The following CDH22 variants were observed in gnomAD, a reference collection of about 807,000 sequenced individuals.
CDH22 encodes the protein cadherin 22, also known as cadherin-22.
A neutral mutation model predicts 58.4 loss-of-function variants in CDH22; 30 were observed. The ratio of observed to expected loss-of-function variants is 0.51; its 90% CI spans 0.38 to 0.70. CDH22 has a LOEUF of 0.70. Among genes scored for constraint, CDH22 ranks in the 30% least tolerant of loss-of-function variants. The pLI is 0.00. For synonymous variants in CDH22, 513 were observed against 558.2 expected, an observed-to-expected ratio of 0.92 and a Z score of 1.14; for missense variants, 1,014 against 1,233.9, an observed-to-expected ratio of 0.82 and a Z score of 2.67.
At chr20:46,242,048 T>C (rs945685971) in intron 2 of CDH22, among the ~76,000 whole-genome samples, 1 of 152,158 alleles carries the variant, frequency 6.6e-6, no homozygotes, top group Admixed American at 6.5e-5. Context: ...GCTCAAGACA[T>C]AGCACATGAC....
chr20:46,210,262 G>A lies in CDH22; in HGVS notation c.1286+45C>T, dbSNP rs1364510014. ...CCGCAGTCTGTCCGCGGGGGTGATG[G>A]CGGGATAGCAGGCAGCAGGCGTCGG... On this transcript the variant is annotated intron_variant, in intron 7 of 11. Transcript: ENST00000537909. This position sits in a 1 kb window ranked among gnomAD's most constrained non-coding sequence, Gnocchi z 4.5. 15 of 1,366,412 alleles carry A rather than the reference G, an allele frequency of 1.1e-5. No homozygotes were observed. The highest frequency in any genetic ancestry group is 1.4e-5 in the Non-Finnish European group (15 of 1,064,906). 84.6% of individuals were successfully genotyped at this position (1,366,412 alleles called of 1,614,324 possible).
chr20:46,300,490 G>A lies in CDH22; in HGVS notation c.-400+7765C>T, dbSNP rs894791771. Reference sequence around the variant, plus strand: ...CTCTGCCCATCACACACACAAGCGCGCGTGTGCGTGCGCGTGCACACACAC... The same window carrying A: ...CTCTGCCCATCACACACACAAGCGCACGTGTGCGTGCGCGTGCACACACAC... On this transcript the variant is annotated intron_variant, in intron 1 of 11. Coordinates refer to ENST00000537909, the MANE Select transcript of CDH22 (RefSeq NM_021248.3). The surrounding 1 kb of genome is among the most constrained non-coding windows in gnomAD (Gnocchi z 4.4). 3.9e-5 allele frequency among the ~76,000 whole-genome samples: 6 copies of A among 152,020 alleles called. No homozygotes were observed. Among genetic ancestry groups the A allele is most frequent in the Non-Finnish European group, 8.8e-5 (6 of 68,018 alleles).
chr20:46,229,668 G>GGTT (rs756928427), intron 3 of CDH22, among the ~76,000 whole-genome samples: 1 of 152,220 alleles, frequency 6.6e-6, no homozygotes, highest in Non-Finnish European at 1.5e-5. Flanking sequence ...AATAAGTGCA[G>GGTT]GTTGTTGTTG....
At position 46,186,642 on chromosome 20, in the gene CDH22, G is replaced by A. The variant is rs746195921; in HGVS notation, c.1609C>T (p.Arg537Cys). The A allele has an allele frequency of 8.1e-6, 13 of 1,613,490 alleles. No individual in the cohort carries two copies. Among genetic ancestry groups the A allele is most frequent in the East Asian group, 4.5e-5 (2 of 44,866 alleles). ...EPQGGHRFYF[R>C]LVPEAPSNPH... ...TTGCTGGGAGCTTCAGGCACCAGGC[G>A]GAAATAGAAGCGGTGCCCGCCTTGG... Residue 537 changes from arginine (R) to cysteine (C), a missense_variant, in exon 10 of 12, where the codon CGC (arginine) becomes TGC (cysteine). By Grantham distance (180) the Arg-to-Cys change is radical. This residue lies in a region of CDH22 where 806 missense variants were observed against 1,038.7 expected (regional missense o/e 0.78). Coordinates refer to ENST00000537909, the MANE Select transcript of CDH22 (RefSeq NM_021248.3).
At chr20:46,307,247 C>G (rs893108834) in intron 1 of CDH22, among the ~76,000 whole-genome samples, 2 of 152,230 alleles carry the variant, frequency 1.3e-5, no homozygotes, top group African/African-American at 4.8e-5. Flanking sequence ...CCCTGCACCT[C>G]GGGGAGACCT....
chr20:46,291,961 C>A (rs541335315), intron 1 of CDH22, among the ~76,000 whole-genome samples: 3 of 152,336 alleles, frequency 2.0e-5, no homozygotes, highest in South Asian at 2.1e-4. Context: ...TTGTGACAAC[C>A]AAAATTGTCC....
chr20:46,277,670 C>A (rs991688192), intron 1 of CDH22, among the ~76,000 whole-genome samples: 1 of 151,794 alleles, frequency 6.6e-6, no homozygotes. Flanking sequence ...AGGGCCCGCC[C>A]CCCACTGGTC....
At chr20:46,272,048 G>T (rs2086492921) in intron 1 of CDH22, among the ~76,000 whole-genome samples, 1 of 152,152 alleles carries the variant, frequency 6.6e-6, no homozygotes, top group African/African-American at 2.4e-5. Context: ...AGTGTTCCAG[G>T]CCAGAAGGCT....
At chr20:46,257,740 T>C (rs2086413479) in intron 1 of CDH22, among the ~76,000 whole-genome samples, 1 of 152,110 alleles carries the variant, frequency 6.6e-6, no homozygotes. Flanking sequence ...CTGCTGCAGG[T>C]AGCAATTTGG....
chr20:46,302,468 C>T (rs1031326275), intron 1 of CDH22, among the ~76,000 whole-genome samples: 1 of 152,170 alleles, frequency 6.6e-6, no homozygotes. Context: ...GCAGATGACA[C>T]AAGGCAGGCA....
chr20:46,270,549 C>T (rs573237676), intron 1 of CDH22, among the ~76,000 whole-genome samples: 1 of 152,296 alleles, frequency 6.6e-6, no homozygotes, highest in African/African-American at 2.4e-5. Flanking sequence ...AAGCCTGAAT[C>T]CTCTTCTTCC....
intron 1 of CDH22, among the ~76,000 whole-genome samples, chr20:46,303,754 G>A (rs905505957): frequency 6.6e-6 from 1 of 152,102 alleles, no homozygotes; most frequent in Non-Finnish European, 1.5e-5. Flanking sequence ...GATAAAGGAG[G>A]ATGCAGACGG....
intron 8 of CDH22, among the ~76,000 whole-genome samples, chr20:46,194,527 C>A: frequency 6.6e-6 from 1 of 152,154 alleles, no homozygotes; most frequent in African/African-American, 2.4e-5. Context: ...AGGGCTGGAG[C>A]CCATCATCTC....
At chr20:46,187,040 G>A in intron 8 of CDH22, 93 bp from the exon 9 acceptor site, 1 of 1,339,966 alleles carries the variant, frequency 7.5e-7, no homozygotes, top group Non-Finnish European at 1.0e-6. Flanking sequence ...AGGCAGTGGG[G>A]TCATGCTGAG....
At chr20:46,286,606 G>T (rs1001856017) in intron 1 of CDH22, among the ~76,000 whole-genome samples, 5 of 151,936 alleles carry the variant, frequency 3.3e-5, no homozygotes, top group African/African-American at 7.3e-5. Context: ...CCGATCCCCC[G>T]AGTCTACCAG....
At chr20:46,202,004 T>C (rs1485106230) in intron 7 of CDH22, among the ~76,000 whole-genome samples, 1 of 152,096 alleles carries the variant, frequency 6.6e-6, no homozygotes, top group Non-Finnish European at 1.5e-5. Context: ...ATAGAAGAGG[T>C]CTCGGTCAGG....
intron 4 of CDH22, among the ~76,000 whole-genome samples, chr20:46,218,124 G>A (rs1455129804): frequency 1.3e-5 from 2 of 152,004 alleles, no homozygotes; most frequent in East Asian, 1.9e-4. Flanking sequence ...GGGTTTTGCC[G>A]TGTTGGCCAA....
intron 3 of CDH22, among the ~76,000 whole-genome samples, chr20:46,230,338 G>A (rs1380633564): frequency 6.6e-6 from 1 of 152,158 alleles, no homozygotes; most frequent in Non-Finnish European, 1.5e-5. Context: ...GCCCTGCTTT[G>A]TAATGTTTGC....
intron 3 of CDH22, among the ~76,000 whole-genome samples, chr20:46,238,646 C>T (rs1231074707): frequency 6.6e-6 from 1 of 152,222 alleles, no homozygotes; most frequent in Non-Finnish European, 1.5e-5. Context: ...ACAATCCTAA[C>T]AGTCATCCTT....
Sources: gnomAD v4.1 joint callset for allele counts (sites outside exome capture counted in the v4.1 genomes callset) on GRCh38, gnomAD v4.1.1 for gene constraint, gnomAD v4.1.1 regional missense constraint, Gnocchi (gnomAD v3.1) non-coding constraint, MANE v1.5 for transcripts, NCBI Gene and HGNC (gene_info 2026-07-23, HGNC 2026-07-21) for gene names.